The following BICD1 variants were observed in gnomAD, a reference collection of about 807,000 sequenced individuals.
The protein encoded by BICD1 is BICD cargo adaptor 1, also known as protein bicaudal D homolog 1.
In BICD1, 35 loss-of-function variants were observed where a neutral mutation model predicts 92.5. That is an observed-to-expected ratio of 0.38 (90% confidence interval 0.29 to 0.50). The LOEUF (loss-of-function observed/expected upper bound fraction) is 0.50. BICD1 is among the 20% of genes least tolerant of loss of function. The probability of loss-of-function intolerance (pLI) is 0.93; values close to 1 mark genes in which losing one functional copy is unlikely to be tolerated. For synonymous variants in BICD1, 429 were observed against 465.1 expected, an observed-to-expected ratio of 0.92 and a Z score of 1.00; for missense variants, 950 against 1,189.8, an observed-to-expected ratio of 0.80 and a Z score of 2.97.
intron 2 of BICD1, among the ~76,000 whole-genome samples, chr12:32,293,404 G>A (rs770108496): frequency 4.0e-5 from 6 of 151,778 alleles, no homozygotes; most frequent in African/African-American, 4.8e-5. Context: ...TGCAACCTCC[G>A]CATCCCAGGT....
intron 2 of BICD1, among the ~76,000 whole-genome samples, chr12:32,281,901 AGTGGTTAAACC>A (rs1241096558): frequency 6.6e-6 from 1 of 152,142 alleles, no homozygotes; most frequent in Non-Finnish European, 1.5e-5. Flanking sequence ...CTGGGGATAT[AGTGGTTAAACC>A]GTTACTGACA....
rs1941495642 is a variant in BICD1 at position 32,107,066 on chromosome 12, C to G, written c.-266C>G. On this transcript the variant is annotated 5_prime_UTR_variant, in exon 1 of 10. Transcript: ENST00000652176. ...ACGGCTGCTGACCGCACGCAGGGGC[C>G]GGCCCCGAGGACACATGCGGCGGCC... 1 of 454,596 alleles carries G rather than the reference C, an allele frequency of 2.2e-6. No homozygotes were observed. 28.2% of individuals were successfully genotyped at this position (454,596 alleles called of 1,614,324 possible). A position where few individuals can be genotyped will look rare whatever the true frequency, so the allele number is the denominator to read the frequency against.
At chr12:32,314,596 TA>T (rs1370768238) in intron 4 of BICD1, among the ~76,000 whole-genome samples, 1 of 152,178 alleles carries the variant, frequency 6.6e-6, no homozygotes, top group African/African-American at 2.4e-5. Context: ...GTATTCAGAT[TA>T]TTTTTTGACT....
intron 1 of BICD1, among the ~76,000 whole-genome samples, chr12:32,112,083 C>T (rs1043338252): frequency 3.3e-5 from 5 of 149,674 alleles, no homozygotes; most frequent in African/African-American, 7.4e-5. Flanking sequence ...CTCGGCTCAC[C>T]GCAAATTCTG....
At chr12:32,187,969 C>G (rs1377013150) in intron 1 of BICD1, among the ~76,000 whole-genome samples, 6 of 150,730 alleles carry the variant, frequency 4.0e-5, no homozygotes. Context: ...GACGGAGTCT[C>G]GCTCTGTTGC....
rs1301842420 is a variant in BICD1, at chr12:32,328,569, A to T, written c.2100+14A>T. On this transcript the variant is annotated intron_variant, in intron 5 of 9. Transcript: ENST00000652176. This position sits in a 1 kb window ranked among gnomAD's most constrained non-coding sequence, Gnocchi z 4.4. ...GCCAACAAGCAGGTAATCTCATTCT[A>T]CTGGTGAAAGCATGCCAGTCAAAGC... The T allele has an allele frequency of 6.2e-7, 1 of 1,602,716 alleles. No individual in the cohort carries two copies. The highest frequency in any genetic ancestry group is 2.2e-5 in the East Asian group (1 of 44,686).
chr12:32,326,568 A>G lies in BICD1; in HGVS notation c.1006-893A>G, dbSNP rs1360034566. Among the ~76,000 whole-genome samples the G allele has an allele frequency of 3.3e-5, 5 of 152,188 alleles. No homozygotes were observed. In the East Asian group the frequency reaches 9.6e-4, roughly 29 times the overall value. ...TGTTCTTTTAGCCCTAAAATTCTGT[A>G]TGTATTCTTTGACTTTTATATTAGA... is the stretch of plus-strand genomic sequence containing the variant. On this transcript the variant is annotated intron_variant, in intron 4 of 9. Coordinates refer to ENST00000652176, the MANE Select transcript of BICD1 (RefSeq NM_001714.4).
intron 1 of BICD1, among the ~76,000 whole-genome samples, chr12:32,194,124 G>C (rs146217852): frequency 6.6e-6 from 1 of 152,196 alleles, no homozygotes; most frequent in African/African-American, 2.4e-5. Context: ...AATAGTTGCA[G>C]AAAAAGTATT....
At chr12:32,262,076 G>A (rs1178402136) in intron 2 of BICD1, among the ~76,000 whole-genome samples, 1 of 152,188 alleles carries the variant, frequency 6.6e-6, no homozygotes, top group African/African-American at 2.4e-5. Flanking sequence ...ATATAACAAG[G>A]TTATTTATGC....
At chr12:32,329,099 A>AT (rs1292988414) in intron 5 of BICD1, among the ~76,000 whole-genome samples, 59 of 140,830 alleles carry the variant, frequency 4.2e-4, no homozygotes, top group South Asian at 3.6e-3. Context: ...AATTATTATT[A>AT]TTATTATTTT....
chr12:32,143,099 C>T (rs2668303), intron 1 of BICD1, among the ~76,000 whole-genome samples: 27,165 of 152,144 alleles, frequency 0.18, 2,524 homozygotes, highest in East Asian at 0.22. Context: ...CATCTAGTCT[C>T]ATATGTCTAT....
At chr12:32,115,978 G>T (rs942089445) in intron 1 of BICD1, among the ~76,000 whole-genome samples, 2 of 152,104 alleles carry the variant, frequency 1.3e-5, no homozygotes, top group African/African-American at 2.4e-5. Context: ...AAATAGTTAG[G>T]ATCTTATACA....
chr12:32,220,815 C>T (rs166372), intron 2 of BICD1, among the ~76,000 whole-genome samples: 57,081 of 95,342 alleles, frequency 0.6, 17,726 homozygotes, highest in East Asian at 0.84. Context: ...TGCGGCATTA[C>T]TCACAATAGC....
chr12:32,176,598 C>G (rs1446475993), intron 1 of BICD1, among the ~76,000 whole-genome samples: 1 of 152,192 alleles, frequency 6.6e-6, no homozygotes, highest in Admixed American at 6.5e-5. Context: ...TTCTATCATA[C>G]TGTTTTGATT....
intron 1 of BICD1, among the ~76,000 whole-genome samples, chr12:32,181,941 G>T (rs1189914836): frequency 6.6e-6 from 1 of 151,892 alleles, no homozygotes; most frequent in Non-Finnish European, 1.5e-5. Flanking sequence ...ATAAAACCGT[G>T]GTGTCTGGCA....
At chr12:32,194,818 G>A (rs748928575) in intron 1 of BICD1, among the ~76,000 whole-genome samples, 4 of 152,142 alleles carry the variant, frequency 2.6e-5, no homozygotes, top group Non-Finnish European at 4.4e-5. Flanking sequence ...GGAGGTGGAC[G>A]TTGCGGTGAG....
Position 32,107,101 on chromosome 12 carries a change from T to G in BICD1, c.-231T>G, listed in dbSNP as rs926062285. The G allele has an allele frequency of 1.3e-5, 7 of 532,756 alleles. No individual in the cohort carries two copies. The highest frequency in any genetic ancestry group is 4.9e-4 in the Middle Eastern group (1 of 2,022). The allele number at this position is 532,756 out of a possible 1,614,324, so 33.0% of individuals were successfully genotyped here. A position where few individuals can be genotyped will look rare whatever the true frequency, so the allele number is the denominator to read the frequency against. On this transcript the variant is annotated 5_prime_UTR_variant, in exon 1 of 10. Transcript: ENST00000652176. ...GACACATGCGGCGGCCTTTGCCGCC[T>G]CGCCCCTGACCCTCTGCCCTGTTCT...
intron 2 of BICD1, among the ~76,000 whole-genome samples, chr12:32,234,757 C>T (rs1486910677): frequency 6.7e-6 from 1 of 149,000 alleles, no homozygotes; most frequent in Non-Finnish European, 1.5e-5. Context: ...CTTGCTGCAA[C>T]CTCCACCTCC....
chr12:32,281,316 C>T (rs1040770052), intron 2 of BICD1, among the ~76,000 whole-genome samples: 1 of 152,182 alleles, frequency 6.6e-6, no homozygotes, highest in Non-Finnish European at 1.5e-5. Flanking sequence ...TGGGAAGATG[C>T]TGATTACATG....
Sources: allele counts gnomAD v4.1 joint callset (sites outside exome capture counted in the v4.1 genomes callset), GRCh38; gene constraint gnomAD v4.1.1; non-coding constraint Gnocchi (gnomAD v3.1); transcripts MANE v1.5; gene names NCBI Gene and HGNC (gene_info 2026-07-23, HGNC 2026-07-21).